EML5: variants seen among roughly 807,000 people sequenced by gnomAD.
EML5 encodes the protein echinoderm microtubule-associated protein-like 5.
A neutral mutation model predicts 250.0 loss-of-function variants in EML5; 120 were observed. The observed-to-expected ratio is 0.48, with a 90% CI of 0.41 to 0.56. EML5 has a LOEUF of 0.56. EML5 is among the 20% of genes least tolerant of loss of function. The pLI, the probability that EML5 is intolerant of heterozygous loss-of-function variation, is 0.00. For missense variants in EML5, 2,006 were observed against 2,437.6 expected, an observed-to-expected ratio of 0.82 and a Z score of 3.73; for synonymous variants, 771 against 806.5, an observed-to-expected ratio of 0.96 and a Z score of 0.75.
chr14:88,768,403 C>T (rs573682982), intron 1 of EML5, among the ~76,000 whole-genome samples: 23 of 150,266 alleles, frequency 1.5e-4, no homozygotes, highest in East Asian at 1.0e-3. Flanking sequence ...AAAATATTTC[C>T]GTAATGTGAT....
At position 88,615,690 on chromosome 14, in the gene EML5, T is replaced by C. The variant is rs2087486034; in HGVS notation, c.*128A>G. Reference sequence around the variant, plus strand: ...ACAGATCAGTCTTTCACTATTTTGATGATTCTGGGCATTTCTCCCTGTTAC... The same window carrying C: ...ACAGATCAGTCTTTCACTATTTTGACGATTCTGGGCATTTCTCCCTGTTAC... On this transcript the variant is annotated 3_prime_UTR_variant, in exon 44 of 44. Transcript: ENST00000554922. The C allele has an allele frequency of 3.7e-6, 3 of 802,956 alleles. No homozygotes were observed. Among genetic ancestry groups the C allele is most frequent in the South Asian group, 1.8e-5 (1 of 56,112 alleles). The allele number at this position is 802,956 out of a possible 1,614,324, so 49.7% of individuals were successfully genotyped here. A position where few individuals can be genotyped will look rare whatever the true frequency, so the allele number is the denominator to read the frequency against.
At chr14:88,758,553 G>T (rs1017708948) in intron 1 of EML5, among the ~76,000 whole-genome samples, 1 of 152,158 alleles carries the variant, frequency 6.6e-6, no homozygotes, top group Admixed American at 6.5e-5. Flanking sequence ...TGGAAAAAGC[G>T]TAACCCTTAA....
Position 88,657,364 on chromosome 14 carries a change from C to A in EML5, c.4004+12G>T, listed in dbSNP as rs1185609160. The stretch of plus-strand genomic sequence containing the variant: ...ATCTTTTTCTTCATCTAATACTAAA[C>A]TAAATTATTACCTTTCATCAATTGA... On this transcript the variant is annotated intron_variant, in intron 27 of 43. Coordinates refer to ENST00000554922, the MANE Select transcript of EML5 (RefSeq NM_183387.3). The A allele has an allele frequency of 1.3e-6, 2 of 1,546,996 alleles. No homozygotes were observed. Among genetic ancestry groups the A allele is most frequent in the Non-Finnish European group, 8.7e-7 (1 of 1,146,344 alleles).
In EML5 at chr14:88,784,424, T is replaced by C. The variant is rs141837691; in HGVS notation, c.197+7883A>G. ...CCACATTAAGAAAAAAAAAACAAGA[T>C]ACAAATAAAATTGGAAATGAAAAAG... On this transcript the variant is annotated intron_variant, in intron 1 of 43. Transcript: ENST00000554922. Among the ~76,000 whole-genome samples the C allele has an allele frequency of 1.2e-4, 18 of 149,920 alleles. No individual in the cohort carries two copies. In the East Asian group the frequency reaches 1.6e-3, roughly 13 times the overall value.
chr14:88,747,154 G>A (rs1382727628), intron 2 of EML5, among the ~76,000 whole-genome samples: 1 of 151,944 alleles, frequency 6.6e-6, no homozygotes, highest in East Asian at 1.9e-4. Flanking sequence ...GGCTCACACT[G>A]TAATCCCAGC....
chr14:88,694,492 T>C, intron 16 of EML5, 85 bp from the exon 17 acceptor site: 1 of 911,838 alleles, frequency 1.1e-6, no homozygotes. Flanking sequence ...CTATCTTGAT[T>C]ACTCTATTTA....
intron 31 of EML5, among the ~76,000 whole-genome samples, chr14:88,640,213 A>C (rs150368190): frequency 3.9e-4 from 59 of 152,340 alleles, no homozygotes; most frequent in African/African-American, 1.4e-3. Context: ...AATTGGACAT[A>C]ACAGAAAGAA....
At chr14:88,746,952 T>C (rs1374380253) in intron 2 of EML5, among the ~76,000 whole-genome samples, 1 of 152,180 alleles carries the variant, frequency 6.6e-6, no homozygotes, top group African/African-American at 2.4e-5. Flanking sequence ...ATCCTTCAAC[T>C]AGGAAATTTA....
chr14:88,710,735 C>T (rs1256618494), intron 10 of EML5, among the ~76,000 whole-genome samples: 2 of 151,666 alleles, frequency 1.3e-5, no homozygotes, highest in Non-Finnish European at 2.9e-5. Context: ...AAATAAATTA[C>T]TAACAAAAAA....
intron 24 of EML5, among the ~76,000 whole-genome samples, chr14:88,662,091 A>T (rs1389539429): frequency 6.6e-6 from 1 of 152,048 alleles, no homozygotes; most frequent in Non-Finnish European, 1.5e-5. Context: ...ATACAGTGTT[A>T]ATAATAAAAC....
intron 1 of EML5, among the ~76,000 whole-genome samples, chr14:88,760,528 T>C (rs11159868): frequency 0.24 from 36,066 of 152,088 alleles, 4,484 homozygotes; most frequent in East Asian, 0.37. Context: ...CCTATGTATC[T>C]ATCCTTTCAC....
intron 27 of EML5, among the ~76,000 whole-genome samples, chr14:88,655,766 A>G (rs1191006644): frequency 2.0e-5 from 3 of 152,252 alleles, no homozygotes; most frequent in Admixed American, 6.5e-5. Context: ...CAAAGAATTT[A>G]AACAAATTTA....
chr14:88,706,238 T>C (rs2093315730), intron 11 of EML5, 21 bp downstream of exon 11: 1 of 1,546,228 alleles, frequency 6.5e-7, no homozygotes, highest in Non-Finnish European at 8.7e-7. Context: ...GGAAACTGTT[T>C]AGCTAATGCA....
At position 88,657,441 on chromosome 14, in the gene EML5, T is replaced by C; in HGVS notation, c.3939A>G (p.Thr1313=). Reference sequence around the variant, plus strand: ...TGATTCCTAACATTGGGCGAATATTTGTTGATAAGGCTCTGATGGTGTAAC... The same window carrying C: ...TGATTCCTAACATTGGGCGAATATTCGTTGATAAGGCTCTGATGGTGTAAC... The part of the protein sequence containing the change: ...EISYTIRALS[T]NIRPMLGIKP... Residue 1313 remains threonine, a synonymous_variant, in exon 27 of 44, where the codon ACA becomes ACG. Coordinates refer to ENST00000554922, the MANE Select transcript of EML5 (RefSeq NM_183387.3). The C allele has an allele frequency of 6.2e-7, 1 of 1,604,508 alleles. No homozygotes were observed. The highest frequency in any genetic ancestry group is 1.3e-5 in the African/African-American group (1 of 74,966).
At chr14:88,770,720 C>G (rs2094383026) in intron 1 of EML5, among the ~76,000 whole-genome samples, 1 of 152,092 alleles carries the variant, frequency 6.6e-6, no homozygotes, top group Non-Finnish European at 1.5e-5. Flanking sequence ...AAGTTTCATC[C>G]ACATAATGCC....
intron 20 of EML5, 48 bp downstream of exon 20, chr14:88,684,967 A>C (rs1205290150): frequency 2.6e-5 from 39 of 1,507,138 alleles, no homozygotes; most frequent in Non-Finnish European, 3.1e-5. Context: ...ATATTGAAAT[A>C]ATCAATTGTA....
chr14:88,766,155 T>G (rs1326307277), intron 1 of EML5, among the ~76,000 whole-genome samples: 1 of 152,120 alleles, frequency 6.6e-6, no homozygotes, highest in Non-Finnish European at 1.5e-5. Flanking sequence ...CAGGACCCTG[T>G]GATTATTGCG....
At chr14:88,659,839 T>C (rs1263618813) in intron 25 of EML5, among the ~76,000 whole-genome samples, 1 of 152,206 alleles carries the variant, frequency 6.6e-6, no homozygotes, top group Non-Finnish European at 1.5e-5. Context: ...ATTTCAATGC[T>C]GATCTAAAAA....
At chr14:88,663,184 A>G in intron 23 of EML5, 65 bp from the exon 24 acceptor site, 1 of 1,083,598 alleles carries the variant, frequency 9.2e-7, no homozygotes. Flanking sequence ...TACCATCAGT[A>G]TGATGTTTAA....
Sources: gnomAD v4.1 joint callset for allele counts (sites outside exome capture counted in the v4.1 genomes callset) on GRCh38, gnomAD v4.1.1 for gene constraint, MANE v1.5 for transcripts, NCBI Gene and HGNC (gene_info 2026-07-23, HGNC 2026-07-21) for gene names.